The following NEGR1 variants were observed in gnomAD, a reference collection of about 807,000 sequenced individuals.
NEGR1 encodes the protein neuronal growth regulator 1.
In NEGR1, 10 loss-of-function variants were observed where a neutral mutation model predicts 40.9. The ratio of observed to expected loss-of-function variants is 0.24; its 90% CI spans 0.15 to 0.42. The LOEUF (loss-of-function observed/expected upper bound fraction) is 0.42, where lower values mean the gene tolerates loss of function less well. Ranked by LOEUF, NEGR1 falls within the 10% of genes least tolerant of loss-of-function variation. The pLI, the probability that NEGR1 is intolerant of heterozygous loss-of-function variation, is 1.00. For missense variants in NEGR1, 352 were observed against 438.9 expected (o/e 0.80, Z 1.77); for synonymous variants, 185 against 166.8 (o/e 1.11, Z -0.84).
At chr1:71,852,718 G>A (rs1213553930) in intron 2 of NEGR1, among the ~76,000 whole-genome samples, 1 of 151,756 alleles carries the variant, frequency 6.6e-6, no homozygotes, top group Non-Finnish European at 1.5e-5. Context: ...AAGACTGGAG[G>A]CAAGTGAACA....
At chr1:71,481,112 C>T (rs1646851206) in intron 6 of NEGR1, among the ~76,000 whole-genome samples, 1 of 151,846 alleles carries the variant, frequency 6.6e-6, no homozygotes, top group Admixed American at 6.6e-5. Context: ...CTTTACCAGG[C>T]AAGGAAATGG....
chr1:72,086,788 C>T (rs768506183), intron 1 of NEGR1, among the ~76,000 whole-genome samples: 47 of 152,056 alleles, frequency 3.1e-4, no homozygotes, highest in Admixed American at 8.5e-4. Flanking sequence ...TATTATGATA[C>T]ATTTTAAAAA....
chr1:71,445,852 C>T (rs1289707191), intron 6 of NEGR1, among the ~76,000 whole-genome samples: 2 of 152,146 alleles, frequency 1.3e-5, no homozygotes, highest in Admixed American at 6.5e-5. Context: ...AGTAAATGCT[C>T]TCTTGAGTGT....
At chr1:72,093,977 G>T (rs1326740315) in intron 1 of NEGR1, among the ~76,000 whole-genome samples, 1 of 152,128 alleles carries the variant, frequency 6.6e-6, no homozygotes, top group Non-Finnish European at 1.5e-5. Context: ...AGAATGTGTT[G>T]CTTAATGGTC....
intron 6 of NEGR1, among the ~76,000 whole-genome samples, chr1:71,547,257 G>A (rs1483858681): frequency 6.6e-6 from 1 of 151,714 alleles, no homozygotes; most frequent in Non-Finnish European, 1.5e-5. Flanking sequence ...CCAAGCAATA[G>A]TCCCTTCCCT....
At chr1:72,017,217 CA>C (rs1161039248) in intron 1 of NEGR1, among the ~76,000 whole-genome samples, 1 of 151,538 alleles carries the variant, frequency 6.6e-6, no homozygotes, top group East Asian at 1.9e-4. Context: ...AGAATAAAGG[CA>C]GACTGTGTCA....
At chr1:72,219,832 A>G (rs1653951591) in intron 1 of NEGR1, among the ~76,000 whole-genome samples, 1 of 152,116 alleles carries the variant, frequency 6.6e-6, no homozygotes, top group Non-Finnish European at 1.5e-5. Context: ...CTTTTCACAT[A>G]GTGAAGATTG....
At chr1:71,555,736 C>A (rs1015335674) in intron 6 of NEGR1, among the ~76,000 whole-genome samples, 1 of 151,570 alleles carries the variant, frequency 6.6e-6, no homozygotes, top group Admixed American at 6.6e-5. Flanking sequence ...TGTATTCCCT[C>A]TTTGAATGTT....
chr1:72,171,324 ACATG>A, intron 1 of NEGR1, among the ~76,000 whole-genome samples: 1 of 152,234 alleles, frequency 6.6e-6, no homozygotes, highest in East Asian at 1.9e-4. Context: ...TTGTGTGCAT[ACATG>A]GAACATCAAA....
intron 1 of NEGR1, among the ~76,000 whole-genome samples, chr1:72,254,595 A>T (rs570827715): frequency 6.6e-6 from 1 of 151,552 alleles, no homozygotes; most frequent in South Asian, 2.1e-4. Flanking sequence ...CCAGCTACTC[A>T]GGAGGCTGAG....
At chr1:71,620,540 A>C (rs951650663) in intron 4 of NEGR1, among the ~76,000 whole-genome samples, 1 of 152,018 alleles carries the variant, frequency 6.6e-6, no homozygotes, top group South Asian at 2.1e-4. Flanking sequence ...AATCTTTCAA[A>C]GGTTTTTATA....
chr1:71,953,932 A>T (rs1255481279), intron 1 of NEGR1, among the ~76,000 whole-genome samples: 1 of 152,074 alleles, frequency 6.6e-6, no homozygotes, highest in Non-Finnish European at 1.5e-5. Context: ...GACTTAATTG[A>T]GATATCCACT....
At chr1:71,885,045 T>C (rs1660688757) in intron 2 of NEGR1, among the ~76,000 whole-genome samples, 1 of 152,154 alleles carries the variant, frequency 6.6e-6, no homozygotes, top group South Asian at 2.1e-4. Flanking sequence ...ACTATAGAAG[T>C]GTTGAGTTTT....
intron 6 of NEGR1, among the ~76,000 whole-genome samples, chr1:71,490,177 G>A (rs1020222081): frequency 1.3e-5 from 2 of 151,826 alleles, no homozygotes; most frequent in Middle Eastern, 3.4e-3. Context: ...ATTCTTTTGC[G>A]GGATTGTATT....
At chr1:71,478,261 T>A (rs1401436030) in intron 6 of NEGR1, among the ~76,000 whole-genome samples, 2 of 152,046 alleles carry the variant, frequency 1.3e-5, no homozygotes, top group East Asian at 3.9e-4. Flanking sequence ...TTCTCTTGAT[T>A]AAAATCCTTC....
chr1:72,199,944 T>C (rs188652797), intron 1 of NEGR1, among the ~76,000 whole-genome samples: 15 of 151,844 alleles, frequency 9.9e-5, no homozygotes, highest in Non-Finnish European at 1.5e-5. Context: ...TTGCTAATCA[T>C]TAGAGAAGTG....
At chr1:71,559,929 A>G (rs941510415) in intron 6 of NEGR1, among the ~76,000 whole-genome samples, 6 of 151,252 alleles carry the variant, frequency 4.0e-5, no homozygotes, top group African/African-American at 1.5e-4. Flanking sequence ...TGCTTTTTCA[A>G]CCTTACTTTC....
At chr1:71,897,365 G>T (rs556711012) in intron 2 of NEGR1, among the ~76,000 whole-genome samples, 1 of 152,124 alleles carries the variant, frequency 6.6e-6, no homozygotes, top group Non-Finnish European at 1.5e-5. Flanking sequence ...ATAGTTCTCC[G>T]ATTCCTGCTG....
chr1:72,141,202 T>A (rs1650664086), intron 1 of NEGR1, among the ~76,000 whole-genome samples: 1 of 152,072 alleles, frequency 6.6e-6, no homozygotes, highest in East Asian at 1.9e-4. Flanking sequence ...AGCATTATTA[T>A]AATATAGGCC....
Sources: allele counts gnomAD v4.1 joint callset (sites outside exome capture counted in the v4.1 genomes callset), GRCh38; gene constraint gnomAD v4.1.1; transcripts MANE v1.5; gene names NCBI Gene and HGNC (gene_info 2026-07-23, HGNC 2026-07-21).